Variants in MEIKIN observed in about 807,000 individuals in gnomAD.
The protein encoded by MEIKIN is meiotic kinetochore factor.
At chr5:131,823,760 G>A (rs536227802) in intron 11 of MEIKIN, among the ~76,000 whole-genome samples, 2 of 152,242 alleles carry the variant, frequency 1.3e-5, no homozygotes, top group East Asian at 3.9e-4. Context: ...GTTCATCAAT[G>A]TATGGGCATT....
At chr5:131,854,690 T>C (rs1018279228) in intron 10 of MEIKIN, 64 bp downstream of exon 10, 9 of 396,024 alleles carry the variant, frequency 2.3e-5, no homozygotes, top group Admixed American at 1.8e-4. Flanking sequence ...ATGAGAAAAA[T>C]AGAAGAATGG....
At chr5:131,845,263 ACTT>A (rs1209598109) in intron 11 of MEIKIN, among the ~76,000 whole-genome samples, 18 of 129,436 alleles carry the variant, frequency 1.4e-4, no homozygotes, top group African/African-American at 5.4e-4. Context: ...GAGCGAGAAG[ACTT>A]CGTCTTAAAA....
At chr5:131,872,248 G>A (rs867834202) in intron 9 of MEIKIN, among the ~76,000 whole-genome samples, 5 of 151,662 alleles carry the variant, frequency 3.3e-5, no homozygotes, top group East Asian at 1.9e-4. Context: ...TAAAAACTTC[G>A]AAAAAAAATT....
Position 131,933,554 on chromosome 5 carries a change from C to T in MEIKIN, c.437G>A (p.Ser146Asn). The change falls in exon 5 of 13, where the codon AGC becomes AAC. Residue 146 changes from serine to asparagine, a missense_variant. Transcript: ENST00000442687. ...TCTGAACAGTTCAGGTGATGGAAAG[C>T]TCTCTTCAAAACTCTTGTATTCTGC... ...SYAEYKSFEESFPSPELFRKS... is the reference protein window; with the variant it reads ...SYAEYKSFEENFPSPELFRKS... 1 of 398,866 alleles carries T rather than the reference C, an allele frequency of 2.5e-6. No homozygotes were observed. Among genetic ancestry groups the T allele is most frequent in the Non-Finnish European group, 4.4e-6 (1 of 225,988 alleles). 24.7% of individuals were successfully genotyped at this position (398,866 alleles called of 1,614,324 possible).
intron 9 of MEIKIN, among the ~76,000 whole-genome samples, chr5:131,863,008 G>T (rs895878777): frequency 6.6e-6 from 1 of 152,150 alleles, no homozygotes; most frequent in Non-Finnish European, 1.5e-5. Flanking sequence ...CTTATTTCAA[G>T]AATTTTTTTA....
chr5:131,887,028 G>C (rs1383602427), intron 8 of MEIKIN, among the ~76,000 whole-genome samples: 1 of 141,614 alleles, frequency 7.1e-6, no homozygotes, highest in East Asian at 2.1e-4. Flanking sequence ...TCCTCGCCAT[G>C]TGTCCAAGTG....
intron 9 of MEIKIN, 34 bp from the exon 10 acceptor site, chr5:131,854,868 G>A: frequency 2.5e-6 from 1 of 396,850 alleles, no homozygotes; most frequent in Non-Finnish European, 4.4e-6. Flanking sequence ...GGATTGAACA[G>A]CAGAAAGAAA....
At chr5:131,839,837 A>C (rs1749872698) in intron 11 of MEIKIN, among the ~76,000 whole-genome samples, 1 of 152,046 alleles carries the variant, frequency 6.6e-6, no homozygotes, top group African/African-American at 2.4e-5. Flanking sequence ...TGAGGCAGTT[A>C]ATCTGTTTAA....
intron 9 of MEIKIN, among the ~76,000 whole-genome samples, chr5:131,860,454 TTTG>T (rs1750264735): frequency 6.6e-6 from 1 of 151,916 alleles, no homozygotes; most frequent in Non-Finnish European, 1.5e-5. Flanking sequence ...TTTTTGTTTG[TTTG>T]TTTTTTGAGA....
intron 7 of MEIKIN, among the ~76,000 whole-genome samples, chr5:131,914,479 AAGAG>A (rs1230187630): frequency 1.4e-5 from 2 of 147,692 alleles, no homozygotes; most frequent in East Asian, 2.0e-4. Context: ...GAGAGAAAGA[AAGAG>A]AGAGAAAGAG....
At chr5:131,893,821 G>A (rs544841489) in intron 8 of MEIKIN, among the ~76,000 whole-genome samples, 1 of 152,298 alleles carries the variant, frequency 6.6e-6, no homozygotes, top group African/African-American at 2.4e-5. Context: ...CTCCCATTCT[G>A]TAGGTTGCCT....
chr5:131,854,664 G>A (rs1435275650), intron 10 of MEIKIN, 90 bp downstream of exon 10: 7 of 393,788 alleles, frequency 1.8e-5, no homozygotes, highest in Admixed American at 4.4e-5. Context: ...TTCTCCATAG[G>A]CAATATTTCC....
intron 8 of MEIKIN, among the ~76,000 whole-genome samples, chr5:131,886,357 G>T (rs1477078337): frequency 2.0e-5 from 3 of 151,966 alleles, no homozygotes; most frequent in Non-Finnish European, 4.4e-5. Flanking sequence ...CTACTTTAAG[G>T]CATTTAATAA....
chr5:131,895,918 C>A (rs537404154), intron 8 of MEIKIN, among the ~76,000 whole-genome samples: 2 of 152,188 alleles, frequency 1.3e-5, no homozygotes, highest in East Asian at 1.9e-4. Context: ...TATTTCTTGC[C>A]TTCTGCTAGC....
intron 8 of MEIKIN, among the ~76,000 whole-genome samples, chr5:131,884,864 T>C (rs144391651): frequency 1.2e-3 from 179 of 152,200 alleles, no homozygotes; most frequent in African/African-American, 4.2e-3. Flanking sequence ...CCTTGGGCCT[T>C]AAAGGAACAC....
At chr5:131,867,332 G>A (rs1396324941) in intron 9 of MEIKIN, among the ~76,000 whole-genome samples, 1 of 151,980 alleles carries the variant, frequency 6.6e-6, no homozygotes, top group Non-Finnish European at 1.5e-5. Flanking sequence ...ATACAATAGT[G>A]GTCTATTTAT....
chr5:131,921,321 G>A (rs148516453), intron 6 of MEIKIN, among the ~76,000 whole-genome samples: 2,892 of 152,230 alleles, frequency 0.019, 44 homozygotes, highest in Middle Eastern at 0.078. Flanking sequence ...AGACCAGCCT[G>A]GGCAACATAG....
At chr5:131,917,936 A>AT (rs912473159) in intron 6 of MEIKIN, among the ~76,000 whole-genome samples, 3 of 151,796 alleles carry the variant, frequency 2.0e-5, no homozygotes, top group African/African-American at 2.4e-5. Flanking sequence ...CAGTCACCTC[A>AT]TTTTTTTTCC....
intron 5 of MEIKIN, among the ~76,000 whole-genome samples, chr5:131,926,633 A>G (rs1313611906): frequency 6.6e-6 from 1 of 152,186 alleles, no homozygotes; most frequent in African/African-American, 2.4e-5. Context: ...AATGTTTGGT[A>G]GAATTCACCA....
Sources: gnomAD v4.1 joint callset for allele counts (sites outside exome capture counted in the v4.1 genomes callset) on GRCh38, gnomAD v4.1.1 for gene constraint, MANE v1.5 for transcripts, NCBI Gene and HGNC (gene_info 2026-07-23, HGNC 2026-07-21) for gene names.